NSRP1: variants seen among roughly 807,000 people sequenced by gnomAD.
NSRP1 encodes the protein nuclear speckle splicing regulatory protein 1.
In NSRP1, 24 loss-of-function variants were observed where a neutral mutation model predicts 54.7. The observed-to-expected ratio is 0.44, with a 90% confidence interval of 0.32 to 0.62. NSRP1 has a LOEUF of 0.62. Among genes scored for constraint, NSRP1 ranks in the 20% least tolerant of loss-of-function variants. The pLI, the probability that NSRP1 is intolerant of heterozygous loss-of-function variation, is 0.06. For synonymous variants in NSRP1, 210 were observed against 213.8 expected (o/e 0.98, Z 0.15); for missense variants, 596 against 651.2 (o/e 0.92, Z 0.92).
intron 5 of NSRP1, 87 bp from the exon 6 acceptor site, chr17:30,180,821 A>G: frequency 1.2e-6 from 1 of 835,448 alleles, no homozygotes; most frequent in Non-Finnish European, 2.0e-6. Context: ...TAGTTTACAC[A>G]CTGTATGTTA....
At chr17:30,134,885 A>G (rs1423267306) in intron 2 of NSRP1, among the ~76,000 whole-genome samples, 2 of 152,188 alleles carry the variant, frequency 1.3e-5, no homozygotes, top group South Asian at 2.1e-4. Flanking sequence ...TTGTGTTCAA[A>G]TGTGCTTTTT....
intron 2 of NSRP1, among the ~76,000 whole-genome samples, chr17:30,118,594 A>G (rs2071565923): frequency 6.6e-6 from 1 of 152,156 alleles, no homozygotes; most frequent in African/African-American, 2.4e-5. Flanking sequence ...GCCAAATGTA[A>G]TTGCTCAGTT....
At chr17:30,175,952 A>C (rs963316475) in intron 3 of NSRP1, among the ~76,000 whole-genome samples, 1 of 151,844 alleles carries the variant, frequency 6.6e-6, no homozygotes, top group African/African-American at 2.4e-5. Context: ...GCAGTGAGCC[A>C]AGATGGTGCC....
chr17:30,135,630 C>T (rs986371855), intron 2 of NSRP1, among the ~76,000 whole-genome samples: 3 of 151,612 alleles, frequency 2.0e-5, no homozygotes, highest in South Asian at 2.1e-4. Flanking sequence ...CCCGCCACCA[C>T]GCCCAGCTAA....
chr17:30,166,786 CA>C (rs1904743978), intron 2 of NSRP1, among the ~76,000 whole-genome samples: 2 of 152,142 alleles, frequency 1.3e-5, no homozygotes, highest in Admixed American at 1.3e-4. Context: ...ATTAGCCACG[CA>C]TGGTGGCGCA....
At chr17:30,121,849 T>C (rs1385518038) in intron 2 of NSRP1, among the ~76,000 whole-genome samples, 1 of 152,156 alleles carries the variant, frequency 6.6e-6, no homozygotes, top group Non-Finnish European at 1.5e-5. Flanking sequence ...ATTACAGGCG[T>C]GAGCCGCCGC....
Position 30,179,269 on chromosome 17 carries a change from AAG to A in NSRP1, c.484_485del (p.Glu162LysfsTer23). 1 of 1,588,436 alleles carries A rather than the reference AAG, an allele frequency of 6.3e-7. No individual in the cohort carries two copies. Among genetic ancestry groups the A allele is most frequent in the Non-Finnish European group, 8.6e-7 (1 of 1,167,008 alleles). On this transcript the variant is annotated frameshift_variant, in exon 5 of 7. Transcript: ENST00000247026. LOFTEE classifies it high-confidence loss of function. ...KLQERAEEEE[R>X]EKRAAALEAC... Reference sequence around the variant, plus strand: ...TGCAAGAGAGAGCTGAAGAAGAAGAAAGAGAAAAGAGGGCTGCTGCACTGGAA... The same window carrying A: ...TGCAAGAGAGAGCTGAAGAAGAAGAAAGAAAAGAGGGCTGCTGCACTGGAA...
intron 2 of NSRP1, among the ~76,000 whole-genome samples, chr17:30,141,599 C>T (rs565838000): frequency 6.6e-6 from 1 of 152,214 alleles, no homozygotes; most frequent in African/African-American, 2.4e-5. Context: ...TCCCTGTTTT[C>T]TTTAAAGTAC....
At chr17:30,148,623 T>C (rs1161456850) in intron 2 of NSRP1, among the ~76,000 whole-genome samples, 1 of 152,186 alleles carries the variant, frequency 6.6e-6, no homozygotes, top group Non-Finnish European at 1.5e-5. Context: ...TCTTGTCAGT[T>C]GCCTCTGGGC....
intron 2 of NSRP1, among the ~76,000 whole-genome samples, chr17:30,118,749 C>CTT (rs570877718): frequency 2.7e-4 from 38 of 138,600 alleles, no homozygotes; most frequent in African/African-American, 9.0e-4. Flanking sequence ...TTTCTTTTCT[C>CTT]TTTTTTTTTT....
intron 3 of NSRP1, among the ~76,000 whole-genome samples, chr17:30,176,298 C>G (rs1905123975): frequency 6.6e-6 from 1 of 152,034 alleles, no homozygotes; most frequent in African/African-American, 2.4e-5. Flanking sequence ...CCAACATATA[C>G]AAAGGCATGT....
intron 6 of NSRP1, among the ~76,000 whole-genome samples, chr17:30,182,611 C>T (rs1905346830): frequency 6.6e-6 from 1 of 151,890 alleles, no homozygotes; most frequent in Admixed American, 6.6e-5. Flanking sequence ...CACTGCACTC[C>T]AACCTGGCGA....
chr17:30,149,501 TTTTA>T (rs2071886584), intron 2 of NSRP1, among the ~76,000 whole-genome samples: 2 of 152,200 alleles, frequency 1.3e-5, no homozygotes, highest in Admixed American at 1.3e-4. Flanking sequence ...AGTTGATGCT[TTTTA>T]TTTATTCATT....
At chr17:30,121,857 C>T (rs778031600) in intron 2 of NSRP1, among the ~76,000 whole-genome samples, 8 of 152,096 alleles carry the variant, frequency 5.3e-5, no homozygotes, top group African/African-American at 1.4e-4. Flanking sequence ...CGTGAGCCGC[C>T]GCGCCCGGCC....
In NSRP1 at chr17:30,171,303, C is replaced by CT. The variant is rs34039932; in HGVS notation, c.115-1219dup. Among the ~76,000 whole-genome samples, 1,052 of 108,310 alleles carry CT rather than the reference C, an allele frequency of 9.7e-3. 13 individuals carry two copies. The highest frequency in any genetic ancestry group is 0.018 in the African/African-American group (529 of 28,720). The allele number at this position is 108,310 out of a possible 152,430, so 71.1% of individuals were successfully genotyped here. On this transcript the variant is annotated intron_variant, in intron 2 of 6. Transcript: ENST00000247026. The stretch of plus-strand genomic sequence containing the variant: ...CTTATCACATTTATATTGTAATTGT[C>CT]TTTTTTTTTTTTTTTTTTTTGAGAC...
chr17:30,161,126 AC>A (rs970519285), intron 2 of NSRP1, among the ~76,000 whole-genome samples: 1 of 151,800 alleles, frequency 6.6e-6, no homozygotes, highest in African/African-American at 2.4e-5. Flanking sequence ...GAAGTAGATA[AC>A]CCCCCCATAC....
At chr17:30,167,820 G>A (rs1168842568) in intron 2 of NSRP1, among the ~76,000 whole-genome samples, 3 of 151,860 alleles carry the variant, frequency 2.0e-5, no homozygotes, top group Admixed American at 6.6e-5. Context: ...AAATAGACTC[G>A]TTTTTCCTTT....
chr17:30,168,129 G>T (rs967419609), intron 2 of NSRP1: 46 of 152,112 alleles, frequency 3.0e-4, no homozygotes, highest in African/African-American at 1.1e-3. Flanking sequence ...GTGTTTAAAG[G>T]AAAGTTATTA....
At chr17:30,156,814 C>T (rs774886340) in intron 2 of NSRP1, among the ~76,000 whole-genome samples, 2 of 152,100 alleles carry the variant, frequency 1.3e-5, no homozygotes, top group Non-Finnish European at 2.9e-5. Flanking sequence ...CCACTGTGCC[C>T]CGCTGATTCC....
Sources: gnomAD v4.1 joint callset for allele counts (sites outside exome capture counted in the v4.1 genomes callset) on GRCh38, gnomAD v4.1.1 for gene constraint, MANE v1.5 for transcripts, NCBI Gene and HGNC (gene_info 2026-07-23, HGNC 2026-07-21) for gene names.